CBFA2T2: variants seen among roughly 807,000 people sequenced by gnomAD.
The protein encoded by CBFA2T2 is protein CBFA2T2.
A neutral mutation model predicts 62.2 loss-of-function variants in CBFA2T2; 11 were observed. That is an observed-to-expected ratio of 0.18 (90% CI 0.11 to 0.29). CBFA2T2 has a LOEUF of 0.29. CBFA2T2 is among the 10% of genes least tolerant of loss of function. CBFA2T2 has a pLI of 1.00. For synonymous variants in CBFA2T2, 295 were observed against 287.5 expected (o/e 1.03, Z -0.27); for missense variants, 592 against 774.1 (o/e 0.76, Z 2.79).
At chr20:33,576,205 A>G (rs1244738751) in intron 1 of CBFA2T2, among the ~76,000 whole-genome samples, 1 of 152,216 alleles carries the variant, frequency 6.6e-6, no homozygotes, top group Non-Finnish European at 1.5e-5. Flanking sequence ...GAGTTTCTAA[A>G]GTGCCAGAGA....
At chr20:33,573,275 T>A (rs2013652610) in intron 1 of CBFA2T2, among the ~76,000 whole-genome samples, 2 of 152,272 alleles carry the variant, frequency 1.3e-5, no homozygotes, top group African/African-American at 4.8e-5. Context: ...ATATTTAGGA[T>A]GTTTTTTAAT....
At chr20:33,541,578 T>C (rs771935612) in intron 1 of CBFA2T2, among the ~76,000 whole-genome samples, 1 of 152,188 alleles carries the variant, frequency 6.6e-6, no homozygotes, top group South Asian at 2.1e-4. Flanking sequence ...TAGACACTTA[T>C]GACCTACACA....
At chr20:33,522,665 C>T (rs1378831145) in intron 1 of CBFA2T2, among the ~76,000 whole-genome samples, 2 of 152,132 alleles carry the variant, frequency 1.3e-5, no homozygotes, top group African/African-American at 2.4e-5. Context: ...ATCATTTGAG[C>T]CCAGGAGTTC....
intron 1 of CBFA2T2, among the ~76,000 whole-genome samples, chr20:33,529,761 A>G (rs1417009883): frequency 7.2e-6 from 1 of 138,912 alleles, no homozygotes; most frequent in South Asian, 2.3e-4. Flanking sequence ...ATATATATAT[A>G]TATATATATA....
chr20:33,589,005 T>C (rs1317788060), intron 1 of CBFA2T2, among the ~76,000 whole-genome samples: 1 of 152,018 alleles, frequency 6.6e-6, no homozygotes, highest in African/African-American at 2.4e-5. Context: ...TTTCCATAAA[T>C]ACATCCCTTC....
intron 1 of CBFA2T2, among the ~76,000 whole-genome samples, chr20:33,536,089 A>G (rs1218572152): frequency 6.6e-6 from 1 of 152,166 alleles, no homozygotes; most frequent in Non-Finnish European, 1.5e-5. Context: ...AGACACGGCA[A>G]CCATCCGATT....
intron 1 of CBFA2T2, among the ~76,000 whole-genome samples, chr20:33,594,499 T>C (rs1212432536): frequency 2.0e-5 from 3 of 151,992 alleles, no homozygotes; most frequent in Non-Finnish European, 2.9e-5. Context: ...GGATTACAGG[T>C]GTGAGCCACC....
intron 1 of CBFA2T2, among the ~76,000 whole-genome samples, chr20:33,537,752 A>G (rs1157609226): frequency 1.3e-5 from 2 of 152,208 alleles, no homozygotes; most frequent in Admixed American, 6.5e-5. Context: ...TGAAAGGACT[A>G]TCATTCCTCT....
chr20:33,563,316 G>C (rs755705202), intron 1 of CBFA2T2, among the ~76,000 whole-genome samples: 3 of 152,084 alleles, frequency 2.0e-5, no homozygotes, highest in Non-Finnish European at 4.4e-5. Flanking sequence ...ATATAACTAC[G>C]TACTGTGTTC....
At chr20:33,547,214 A>T (rs2012599583) in intron 1 of CBFA2T2, among the ~76,000 whole-genome samples, 1 of 151,872 alleles carries the variant, frequency 6.6e-6, no homozygotes, top group Non-Finnish European at 1.5e-5. Flanking sequence ...AGAAAAAAAT[A>T]AAAAAGACCG....
chr20:33,511,908 T>C (rs1299807304), intron 1 of CBFA2T2, among the ~76,000 whole-genome samples: 1 of 152,114 alleles, frequency 6.6e-6, no homozygotes, highest in Non-Finnish European at 1.5e-5. Flanking sequence ...CTGGGCACAG[T>C]GGCTTACGCC....
intron 1 of CBFA2T2, among the ~76,000 whole-genome samples, chr20:33,541,185 T>C (rs1446108340): frequency 6.6e-6 from 1 of 152,184 alleles, no homozygotes; most frequent in Non-Finnish European, 1.5e-5. Flanking sequence ...AGGTGATGGA[T>C]TGAAGTCAGG....
chr20:33,557,476 G>A (rs2012935442), intron 1 of CBFA2T2, among the ~76,000 whole-genome samples: 1 of 152,066 alleles, frequency 6.6e-6, no homozygotes. Flanking sequence ...GGAAGTGTAT[G>A]TATGAAAGTG....
chr20:33,593,455 T>C (rs1215112477), intron 1 of CBFA2T2, among the ~76,000 whole-genome samples: 1 of 142,066 alleles, frequency 7.0e-6, no homozygotes, highest in Non-Finnish European at 1.5e-5. Context: ...TGCAGTGACA[T>C]GGTCTCAGCT....
chr20:33,623,376 T>C lies in CBFA2T2; in HGVS notation c.692+80T>C. The C allele has an allele frequency of 3.3e-6, 5 of 1,517,632 alleles. No individual in the cohort carries two copies. The Admixed American group carries it at 5.3e-5, about 16-fold the overall frequency. The allele number at this position is 1,517,632 out of a possible 1,614,324, so 94.0% of individuals were successfully genotyped here. The stretch of plus-strand genomic sequence containing the variant: ...CTTTGCTTATAAAAGAGAGAGAATT[T>C]GATTGCTGTGGTTGTAATGTCTCAA... On this transcript the variant is annotated intron_variant, in intron 5 of 10. Transcript: ENST00000342704.
intron 10 of CBFA2T2, among the ~76,000 whole-genome samples, chr20:33,641,221 A>G (rs1241169224): frequency 4.6e-5 from 7 of 151,894 alleles, no homozygotes; most frequent in Admixed American, 4.6e-4. Flanking sequence ...TTTAGTAGAG[A>G]CGGGGTTTCA....
chr20:33,553,916 T>G (rs1489797724), intron 1 of CBFA2T2, among the ~76,000 whole-genome samples: 1 of 152,066 alleles, frequency 6.6e-6, no homozygotes, highest in Non-Finnish European at 1.5e-5. Flanking sequence ...TTATATATTT[T>G]TAGTTTCTCC....
At chr20:33,600,724 A>G (rs1416638842) in intron 1 of CBFA2T2, among the ~76,000 whole-genome samples, 1 of 151,984 alleles carries the variant, frequency 6.6e-6, no homozygotes, top group Non-Finnish European at 1.5e-5. Flanking sequence ...GTACATGGTA[A>G]TGTTTCTATT....
chr20:33,619,431 T>TTA (rs2015847792), intron 3 of CBFA2T2, 86 bp from the exon 4 acceptor site: 2 of 639,258 alleles, frequency 3.1e-6, no homozygotes, highest in African/African-American at 4.2e-5. Flanking sequence ...ATAAATAACA[T>TTA]TAAAAAAAAA....
Sources: gnomAD v4.1 joint callset for allele counts (sites outside exome capture counted in the v4.1 genomes callset) on GRCh38, gnomAD v4.1.1 for gene constraint, MANE v1.5 for transcripts, NCBI Gene and HGNC (gene_info 2026-07-23, HGNC 2026-07-21) for gene names.